The following TBC1D22A variants were observed in gnomAD, a reference collection of about 807,000 sequenced individuals.
TBC1D22A encodes TBC1 domain family member 22A.
Under a neutral mutation model 60.2 loss-of-function variants are expected in TBC1D22A, and 38 were observed. That is an observed-to-expected ratio of 0.63 (90% CI 0.49 to 0.83). TBC1D22A has a LOEUF of 0.83. Ranked by LOEUF, TBC1D22A falls within the 40% of genes least tolerant of loss-of-function variation. The probability of loss-of-function intolerance (pLI) is 0.00; values close to 1 mark genes in which losing one functional copy is unlikely to be tolerated. For missense variants in TBC1D22A, 628 were observed against 701.0 expected (o/e 0.90, Z 1.18); for synonymous variants, 302 against 281.7 (o/e 1.07, Z -0.72).
chr22:46,828,360 C>T lies in TBC1D22A; in HGVS notation c.637+30740C>T, dbSNP rs527528188. 1.4e-4 allele frequency among the ~76,000 whole-genome samples: 21 copies of T among 152,358 alleles called. No homozygotes were observed. The East Asian group carries it at 3.7e-3, about 27-fold the overall frequency. ...GAAGCCTTTGAAGCAGCCTGTTGTC[C>T]TCTTAGTTGTTCACATTCTGGTTCT... is the stretch of plus-strand genomic sequence containing the variant. On this transcript the variant is annotated intron_variant, in intron 4 of 12. Transcript: ENST00000337137.
intron 11 of TBC1D22A, among the ~76,000 whole-genome samples, chr22:47,054,730 T>C (rs1169918998): frequency 6.6e-6 from 1 of 151,944 alleles, no homozygotes; most frequent in Admixed American, 6.6e-5. Flanking sequence ...GCCTGGGAGG[T>C]GGCCAGTGAG....
chr22:46,948,760 G>A (rs749147038), intron 8 of TBC1D22A, among the ~76,000 whole-genome samples: 14 of 152,244 alleles, frequency 9.2e-5, no homozygotes, highest in African/African-American at 2.7e-4. Flanking sequence ...AAGAGGCCCC[G>A]TGAGACAGGT....
intron 11 of TBC1D22A, among the ~76,000 whole-genome samples, chr22:47,063,702 A>G (rs2063660985): frequency 6.6e-6 from 1 of 152,090 alleles, no homozygotes; most frequent in South Asian, 2.1e-4. Flanking sequence ...TATAGGCCTG[A>G]GAGTTCTGGA....
chr22:47,005,183 C>G (rs951660371), intron 10 of TBC1D22A, among the ~76,000 whole-genome samples: 12 of 151,888 alleles, frequency 7.9e-5, no homozygotes, highest in Non-Finnish European at 1.5e-4. Context: ...ACACACGTGC[C>G]TATACACACC....
At chr22:46,867,112 CTT>C (rs1281495818) in intron 4 of TBC1D22A, among the ~76,000 whole-genome samples, 1 of 152,184 alleles carries the variant, frequency 6.6e-6, no homozygotes, top group Non-Finnish European at 1.5e-5. Flanking sequence ...CCAGATGTGA[CTT>C]TATTAATTCA....
At chr22:46,851,562 C>G (rs916016887) in intron 4 of TBC1D22A, among the ~76,000 whole-genome samples, 1 of 152,256 alleles carries the variant, frequency 6.6e-6, no homozygotes, top group Admixed American at 6.5e-5. Flanking sequence ...TGCCTTGGCG[C>G]TCTTGCCTGG....
intron 10 of TBC1D22A, among the ~76,000 whole-genome samples, chr22:47,004,853 A>G (rs889323866): frequency 6.6e-5 from 10 of 151,036 alleles, no homozygotes; most frequent in Admixed American, 5.9e-4. Context: ...ACTACTGTAC[A>G]TACACACACC....
intron 12 of TBC1D22A, among the ~76,000 whole-genome samples, chr22:47,117,688 C>T (rs916516875): frequency 9.2e-5 from 14 of 152,210 alleles, no homozygotes; most frequent in Non-Finnish European, 1.6e-4. Flanking sequence ...CCAGCTTCGT[C>T]GGAAACCTCC....
chr22:47,116,796 G>A (rs2066075775), intron 12 of TBC1D22A: 1 of 152,596 alleles, frequency 6.6e-6, no homozygotes, highest in Admixed American at 6.5e-5. Flanking sequence ...AACACACACA[G>A]GTGTGTGCAG....
chr22:46,806,158 C>G (rs2146993599), intron 4 of TBC1D22A, among the ~76,000 whole-genome samples: 1 of 152,256 alleles, frequency 6.6e-6, no homozygotes, highest in South Asian at 2.1e-4. Context: ...GCCTCCAACC[C>G]TCTTATCACA....
intron 4 of TBC1D22A, among the ~76,000 whole-genome samples, chr22:46,876,419 C>T (rs1278941450): frequency 1.3e-5 from 2 of 152,182 alleles, no homozygotes; most frequent in African/African-American, 4.8e-5. Flanking sequence ...TAATATAAAT[C>T]GTTCTATTAC....
At chr22:46,910,436 G>A (rs1041227381) in intron 7 of TBC1D22A, among the ~76,000 whole-genome samples, 9 of 152,184 alleles carry the variant, frequency 5.9e-5, no homozygotes, top group African/African-American at 1.9e-4. Flanking sequence ...CGACTCCCCA[G>A]GGTGCAAGTG....
intron 8 of TBC1D22A, among the ~76,000 whole-genome samples, chr22:46,952,732 T>C (rs1345686882): frequency 6.6e-6 from 1 of 152,224 alleles, no homozygotes; most frequent in Admixed American, 6.5e-5. Flanking sequence ...CTTTGGTCAG[T>C]ACATCTGCCC....
At chr22:46,967,196 T>A (rs2073844177) in intron 8 of TBC1D22A, among the ~76,000 whole-genome samples, 1 of 152,200 alleles carries the variant, frequency 6.6e-6, no homozygotes. Context: ...AATTAAACAT[T>A]CCCGCACTAG....
chr22:47,136,901 C>T (rs145897027), intron 12 of TBC1D22A, among the ~76,000 whole-genome samples: 9 of 152,276 alleles, frequency 5.9e-5, no homozygotes, highest in African/African-American at 1.4e-4. Flanking sequence ...AGACCTGTCC[C>T]GGTGTCCCAT....
At chr22:47,027,174 T>C (rs1569354115) in intron 10 of TBC1D22A, among the ~76,000 whole-genome samples, 1 of 152,210 alleles carries the variant, frequency 6.6e-6, no homozygotes, top group South Asian at 2.1e-4. Context: ...ATATTTGTTA[T>C]GCGTATAATC....
chr22:46,826,087 T>G (rs1038117640), intron 4 of TBC1D22A, among the ~76,000 whole-genome samples: 1 of 152,114 alleles, frequency 6.6e-6, no homozygotes, highest in Non-Finnish European at 1.5e-5. Context: ...TTCACCGTGT[T>G]AGCCATGATG....
At chr22:46,796,041 G>A (rs887332093) in intron 3 of TBC1D22A, among the ~76,000 whole-genome samples, 8 of 152,208 alleles carry the variant, frequency 5.3e-5, no homozygotes, top group Non-Finnish European at 7.3e-5. Context: ...TCTGGAGCCA[G>A]ACGCCCCGGG....
intron 1 of TBC1D22A, among the ~76,000 whole-genome samples, chr22:46,775,130 G>C (rs2083649188): frequency 6.6e-6 from 1 of 152,258 alleles, no homozygotes; most frequent in East Asian, 1.9e-4. Context: ...TGTGTGGAGA[G>C]GACAGGGCAG....
Sources: allele counts gnomAD v4.1 joint callset (sites outside exome capture counted in the v4.1 genomes callset), GRCh38; gene constraint gnomAD v4.1.1; transcripts MANE v1.5; gene names NCBI Gene and HGNC (gene_info 2026-07-23, HGNC 2026-07-21).